KLHL29: variants seen among roughly 807,000 people sequenced by gnomAD.
KLHL29 encodes the protein kelch-like protein 29.
A neutral mutation model predicts 80.4 loss-of-function variants in KLHL29; 21 were observed. The ratio of observed to expected loss-of-function variants is 0.26; its 90% CI spans 0.19 to 0.38. The LOEUF is 0.38. Among genes scored for constraint, KLHL29 ranks in the 10% least tolerant of loss-of-function variants. The pLI is 1.00. For missense variants in KLHL29, 867 were observed against 1,223.9 expected (o/e 0.71, Z 4.35); for synonymous variants, 511 against 526.8 (o/e 0.97, Z 0.41).
At chr2:23,429,295 G>C (rs1663100607) in intron 1 of KLHL29, among the ~76,000 whole-genome samples, 1 of 152,190 alleles carries the variant, frequency 6.6e-6, no homozygotes, top group Non-Finnish European at 1.5e-5. Context: ...GGGCCTTGGT[G>C]CCCACATGTC....
rs139457398 is a variant in KLHL29 at position 23,392,917 on chromosome 2, A to G, written c.-154+7137A>G. 2.7e-3 allele frequency among the ~76,000 whole-genome samples: 408 copies of G among 152,340 alleles called. 1 individual carries two copies. The highest frequency in any genetic ancestry group is 3.8e-3 in the Non-Finnish European group (257 of 68,036). On this transcript the variant is annotated intron_variant, in intron 1 of 13. Transcript: ENST00000486442. ...TAACAATATTAATCAAGTCTGACCAACATGCATGATACCTTTTGGATTTGC... is the reference window on the plus strand; with the variant it reads ...TAACAATATTAATCAAGTCTGACCAGCATGCATGATACCTTTTGGATTTGC...
chr2:23,704,983 G>A (rs1672626939), intron 13 of KLHL29, among the ~76,000 whole-genome samples: 1 of 152,224 alleles, frequency 6.6e-6, no homozygotes, highest in African/African-American at 2.4e-5. Context: ...TCACCTCTCT[G>A]AGGAAGTTCT....
chr2:23,471,090 G>A (rs1401513131), intron 1 of KLHL29, among the ~76,000 whole-genome samples: 1 of 152,218 alleles, frequency 6.6e-6, no homozygotes, highest in African/African-American at 2.4e-5. Flanking sequence ...GTGGGCTCGG[G>A]AGCCGGTTTC....
chr2:23,664,309 G>T (rs1441871509), intron 5 of KLHL29, among the ~76,000 whole-genome samples: 1 of 152,196 alleles, frequency 6.6e-6, no homozygotes, highest in African/African-American at 2.4e-5. Context: ...GGGCAGGGAG[G>T]GTTCTTGGGA....
rs113500143 is a variant in KLHL29, at chr2:23,680,032, C to T, written c.941-4367C>T. On this transcript the variant is annotated intron_variant, in intron 5 of 13. Coordinates refer to ENST00000486442, the MANE Select transcript of KLHL29 (RefSeq NM_052920.2). The surrounding 1 kb of genome is among the most constrained non-coding windows in gnomAD (Gnocchi z 4.1). ...GACCTCCCAGAGGGCTGTGCTGCCC[C>T]TTCAGCCCCGAAGGATTTGTGTGGC... Among the ~76,000 whole-genome samples the T allele has an allele frequency of 2.0e-3, 301 of 152,246 alleles. 2 individuals carry two copies. The highest frequency in any genetic ancestry group is 6.9e-3 in the African/African-American group (288 of 41,538).
intron 3 of KLHL29, chr2:23,617,623 T>A (rs1026890574): frequency 6.6e-6 from 1 of 152,208 alleles, no homozygotes; most frequent in Non-Finnish European, 1.5e-5. Context: ...CTTCCTTGGT[T>A]GGGAGTGTGG....
chr2:23,644,463 C>T (rs551989466), intron 5 of KLHL29, among the ~76,000 whole-genome samples: 256 of 152,286 alleles, frequency 1.7e-3, no homozygotes, highest in African/African-American at 4.8e-3. Flanking sequence ...GTTCCAGGCA[C>T]GCATCTAGGA....
intron 1 of KLHL29, among the ~76,000 whole-genome samples, chr2:23,439,619 T>C (rs1663452103): frequency 6.6e-6 from 1 of 152,228 alleles, no homozygotes; most frequent in Non-Finnish European, 1.5e-5. Flanking sequence ...AGTTGAGCAG[T>C]CTCGAGTGAG....
chr2:23,526,338 G>A lies in KLHL29; in HGVS notation c.-45-35814G>A, dbSNP rs531644668. The stretch of plus-strand genomic sequence containing the variant: ...CAGGGCATGCGGGAGGGGTGGCATC[G>A]AAGGCAGAGGGACCACAAATGCTGC... On this transcript the variant is annotated intron_variant, in intron 2 of 13. Coordinates refer to ENST00000486442, the MANE Select transcript of KLHL29 (RefSeq NM_052920.2). Among the ~76,000 whole-genome samples the A allele has an allele frequency of 5.3e-5, 8 of 152,332 alleles. No individual in the cohort carries two copies. In the South Asian group the frequency reaches 1.4e-3, roughly 28 times the overall value.
At chr2:23,548,407 C>T (rs1420468033) in intron 2 of KLHL29, among the ~76,000 whole-genome samples, 1 of 152,080 alleles carries the variant, frequency 6.6e-6, no homozygotes, top group African/African-American at 2.4e-5. Context: ...GCACCCTCTT[C>T]CCTCACTGTC....
At chr2:23,477,512 C>G (rs921936172) in intron 2 of KLHL29, among the ~76,000 whole-genome samples, 1 of 152,252 alleles carries the variant, frequency 6.6e-6, no homozygotes, top group African/African-American at 2.4e-5. Flanking sequence ...ACCCTGTGAC[C>G]CCACAGTGCA....
intron 1 of KLHL29, among the ~76,000 whole-genome samples, 164 bp from the exon 2 acceptor site, chr2:23,475,396 C>G (rs1370466083): frequency 1.1e-5 from 1 of 94,118 alleles, no homozygotes; most frequent in Non-Finnish European, 2.1e-5. Context: ...GTATGCAACT[C>G]AGCATCAGGG....
At chr2:23,627,590 G>A (rs1239369433) in intron 3 of KLHL29, among the ~76,000 whole-genome samples, 9 of 152,214 alleles carry the variant, frequency 5.9e-5, no homozygotes, top group African/African-American at 2.2e-4. Flanking sequence ...GGTGCACCTT[G>A]CGTCTGAGGA....
chr2:23,409,360 C>G (rs577523168), intron 1 of KLHL29, among the ~76,000 whole-genome samples: 26 of 152,270 alleles, frequency 1.7e-4, no homozygotes, highest in African/African-American at 5.5e-4. Context: ...TTTCTCCTAC[C>G]CTGATTCTTC....
chr2:23,562,496 C>T lies in KLHL29; in HGVS notation c.285+15C>T, dbSNP rs1350800026. ...TCACCACCAAGGTAAGATGTGGTGTCATCTCTGAGCAGGAGCCGGACAGAG... is the reference window on the plus strand; with the variant it reads ...TCACCACCAAGGTAAGATGTGGTGTTATCTCTGAGCAGGAGCCGGACAGAG... On this transcript the variant is annotated intron_variant, in intron 3 of 13. Transcript: ENST00000486442. The surrounding 1 kb of genome is among the most constrained non-coding windows in gnomAD (Gnocchi z 4.5). The T allele has an allele frequency of 2.0e-6, 3 of 1,534,706 alleles. No individual in the cohort carries two copies. The Admixed American group carries it at 5.9e-5, about 30-fold the overall frequency.
At chr2:23,522,025 T>C (rs985068303) in intron 2 of KLHL29, among the ~76,000 whole-genome samples, 2 of 152,220 alleles carry the variant, frequency 1.3e-5, no homozygotes, top group African/African-American at 4.8e-5. Context: ...AAAGCACTAG[T>C]ACCCACCTGA....
intron 11 of KLHL29, among the ~76,000 whole-genome samples, chr2:23,698,526 T>A (rs1222026176): frequency 6.6e-6 from 1 of 151,924 alleles, no homozygotes. Flanking sequence ...ATGGTACAAA[T>A]GGCTATTATA....
At chr2:23,534,016 T>C (rs899686986) in intron 2 of KLHL29, among the ~76,000 whole-genome samples, 1 of 152,078 alleles carries the variant, frequency 6.6e-6, no homozygotes, top group Non-Finnish European at 1.5e-5. Context: ...CCTCCTGATA[T>C]TTTAATTGAT....
chr2:23,699,165 C>A (rs1045633499), intron 11 of KLHL29, among the ~76,000 whole-genome samples: 1 of 152,224 alleles, frequency 6.6e-6, no homozygotes, highest in Non-Finnish European at 1.5e-5. Flanking sequence ...CGCTCAGAGG[C>A]AGAGGCACGG....
Sources: gnomAD v4.1 joint callset for allele counts (sites outside exome capture counted in the v4.1 genomes callset) on GRCh38, gnomAD v4.1.1 for gene constraint, Gnocchi (gnomAD v3.1) non-coding constraint, MANE v1.5 for transcripts, NCBI Gene and HGNC (gene_info 2026-07-23, HGNC 2026-07-21) for gene names.